The following SDK1 variants were observed in gnomAD, a reference collection of about 807,000 sequenced individuals.
The protein encoded by SDK1 is protein sidekick-1.
A neutral mutation model predicts 245.5 loss-of-function variants in SDK1; 157 were observed. The ratio of observed to expected loss-of-function variants is 0.64; its 90% CI spans 0.56 to 0.73. The LOEUF (loss-of-function observed/expected upper bound fraction) is 0.73, where lower values mean the gene tolerates loss of function less well. Ranked by LOEUF, SDK1 falls within the 30% of genes least tolerant of loss-of-function variation. The probability of loss-of-function intolerance (pLI) is 0.00; values close to 1 mark genes in which losing one functional copy is unlikely to be tolerated. For missense variants in SDK1, 3,583 were observed against 3,002.3 expected (o/e 1.19, Z -4.52); for synonymous variants, 1,647 against 1,278.5 (o/e 1.29, Z -6.15).
At position 3,840,611 on chromosome 7, in the gene SDK1, C is replaced by T. The variant is rs779070826; in HGVS notation, c.847+19028C>T. 5.3e-5 allele frequency among the ~76,000 whole-genome samples: 8 copies of T among 152,268 alleles called. No homozygotes were observed. In the East Asian group the frequency reaches 1.5e-3, roughly 29 times the overall value. ...AAGATATTTAGGTGATTCATATGCA[C>T]GTTAAAGTTTTAAAAAACCAAGATT... On this transcript the variant is annotated intron_variant, in intron 5 of 44. Coordinates refer to ENST00000404826, the MANE Select transcript of SDK1 (RefSeq NM_152744.4).
intron 1 of SDK1, among the ~76,000 whole-genome samples, chr7:3,424,722 C>T (rs1275875279): frequency 1.3e-5 from 2 of 152,014 alleles, no homozygotes; most frequent in African/African-American, 4.8e-5. Context: ...TGTAAGGAGA[C>T]TCTATCTCTA....
intron 4 of SDK1, among the ~76,000 whole-genome samples, chr7:3,738,037 G>C (rs1022797537): frequency 2.6e-5 from 4 of 152,210 alleles, no homozygotes; most frequent in Non-Finnish European, 4.4e-5. Flanking sequence ...GTTGTTTTGT[G>C]AGGGGACGAA....
At chr7:3,894,911 C>T (rs192177189) in intron 5 of SDK1, among the ~76,000 whole-genome samples, 16 of 151,900 alleles carry the variant, frequency 1.1e-4, no homozygotes, top group African/African-American at 3.9e-4. Context: ...CAACTCCTGA[C>T]CTCAGGTGAT....
At chr7:3,672,950 A>C (rs1056201061) in intron 4 of SDK1, among the ~76,000 whole-genome samples, 3 of 150,758 alleles carry the variant, frequency 2.0e-5, no homozygotes, top group African/African-American at 7.3e-5. Context: ...TTCTAGATGC[A>C]TCTTTTAATA....
At chr7:4,051,492 C>T in intron 18 of SDK1, 146 bp from the exon 19 acceptor site, 1 of 646,852 alleles carries the variant, frequency 1.5e-6, no homozygotes, top group Non-Finnish European at 2.5e-6. Context: ...CAACTTTTTT[C>T]AAGCGTGATT....
At chr7:4,179,108 C>T (rs1178594370) in intron 35 of SDK1, 1 of 153,294 alleles carries the variant, frequency 6.5e-6, no homozygotes, top group Non-Finnish European at 1.5e-5. Flanking sequence ...CAGTGGGAAG[C>T]AACGTCTATT....
At chr7:4,152,929 T>C (rs528838431) in intron 30 of SDK1, among the ~76,000 whole-genome samples, 18 of 152,162 alleles carry the variant, frequency 1.2e-4, no homozygotes, top group Admixed American at 5.2e-4. Context: ...GTCTGGTTGG[T>C]GGTTGAAGTT....
chr7:3,672,442 A>C (rs1257346809), intron 4 of SDK1, among the ~76,000 whole-genome samples: 3 of 151,522 alleles, frequency 2.0e-5, no homozygotes, highest in African/African-American at 7.3e-5. Flanking sequence ...TCTTGAGGAA[A>C]AAAACAGAGG....
At chr7:3,887,471 A>G (rs992078372) in intron 5 of SDK1, among the ~76,000 whole-genome samples, 1 of 152,120 alleles carries the variant, frequency 6.6e-6, no homozygotes, top group Non-Finnish European at 1.5e-5. Flanking sequence ...AATCATGATC[A>G]AGGCCCGCCT....
chr7:4,021,461 A>G (rs949881754), intron 17 of SDK1, among the ~76,000 whole-genome samples: 2 of 152,342 alleles, frequency 1.3e-5, no homozygotes, highest in Admixed American at 1.3e-4. Context: ...TAAACAAGAT[A>G]GAGCTGTGTT....
intron 1 of SDK1, among the ~76,000 whole-genome samples, chr7:3,481,526 G>A (rs1236023147): frequency 6.6e-6 from 1 of 152,222 alleles, no homozygotes. Context: ...GCTACCAACT[G>A]GGTCCAGCCA....
intron 17 of SDK1, among the ~76,000 whole-genome samples, chr7:4,032,097 C>A (rs1787866238): frequency 1.3e-5 from 2 of 151,398 alleles, no homozygotes; most frequent in Non-Finnish European, 2.9e-5. Context: ...CACAGAAAAC[C>A]CAAACAGGTC....
At chr7:3,970,714 G>C (rs563738421) in intron 11 of SDK1, among the ~76,000 whole-genome samples, 1 of 152,182 alleles carries the variant, frequency 6.6e-6, no homozygotes, top group Non-Finnish European at 1.5e-5. Context: ...CACACACTCT[G>C]CCCACTTTAA....
intron 25 of SDK1, among the ~76,000 whole-genome samples, chr7:4,126,611 C>A (rs1203366479): frequency 6.6e-6 from 1 of 152,204 alleles, no homozygotes; most frequent in African/African-American, 2.4e-5. Flanking sequence ...ATCCCAGCTA[C>A]TTGGGAGGCT....
At position 3,969,397 on chromosome 7, in the gene SDK1, A is replaced by T. The variant is rs1163943847; in HGVS notation, c.1687A>T (p.Asn563Tyr). 1 of 1,605,058 alleles carries T rather than the reference A, an allele frequency of 6.2e-7. No individual in the cohort carries two copies. The highest frequency in any genetic ancestry group is 1.7e-5 in the Admixed American group (1 of 58,822). Reference protein sequence around the residue: ...CYAANTEGSLNASATLTVWNR... With the variant: ...CYAANTEGSLYASATLTVWNR... ...TGCGGCCAACACAGAGGGCTCCCTG[A>T]ATGCATCGGCCACGCTCACTGTGTG... The change falls in exon 11 of 45, where the codon AAT becomes TAT. Residue 563 changes from asparagine (N) to tyrosine (Y), a missense_variant. Transcript: ENST00000404826.
intron 17 of SDK1, among the ~76,000 whole-genome samples, chr7:4,032,581 A>T (rs2342493): frequency 0.31 from 47,392 of 152,048 alleles, 11,296 homozygotes; most frequent in African/African-American, 0.67. Flanking sequence ...ATAATAATAT[A>T]TGATATCTGG....
chr7:4,268,957 C>T lies in SDK1; in HGVS notation c.*3573C>T, dbSNP rs1788641428. The T allele has an allele frequency of 3.3e-6, 1 of 302,504 alleles. No individual in the cohort carries two copies. Among genetic ancestry groups the T allele is most frequent in the Non-Finnish European group, 6.7e-6 (1 of 149,754 alleles). 18.7% of individuals were successfully genotyped at this position (302,504 alleles called of 1,614,324 possible). Reference sequence around the variant, plus strand: ...CAACTTGTAGGAAGACAGAGAGGTGCTATGGGTACAATTTTTAATAAAAAC... The same window carrying T: ...CAACTTGTAGGAAGACAGAGAGGTGTTATGGGTACAATTTTTAATAAAAAC... On this transcript the variant is annotated 3_prime_UTR_variant, in exon 45 of 45. Transcript: ENST00000404826.
At chr7:3,494,442 A>C (rs1427532937) in intron 1 of SDK1, among the ~76,000 whole-genome samples, 1 of 152,174 alleles carries the variant, frequency 6.6e-6, no homozygotes, top group African/African-American at 2.4e-5. Context: ...TAAGGGTATC[A>C]ACATTATGGG....
At chr7:4,220,333 ACT>A in intron 39 of SDK1, 63 bp downstream of exon 39, 3 of 1,537,502 alleles carry the variant, frequency 2.0e-6, no homozygotes, top group Non-Finnish European at 2.7e-6. Context: ...CTCCTGCTTC[ACT>A]GAGCTGAGAT....
Sources: gnomAD v4.1 joint callset for allele counts (sites outside exome capture counted in the v4.1 genomes callset) on GRCh38, gnomAD v4.1.1 for gene constraint, MANE v1.5 for transcripts, NCBI Gene and HGNC (gene_info 2026-07-23, HGNC 2026-07-21) for gene names.